MACC1: variants seen among roughly 807,000 people sequenced by gnomAD.
MACC1 encodes the protein MET transcriptional regulator MACC1.
Under a neutral mutation model 70.7 loss-of-function variants are expected in MACC1, and 79 were observed. The observed-to-expected ratio is 1.12, with a 90% CI of 0.93 to 1.35. MACC1 has a LOEUF of 1.35. Among genes scored for constraint, MACC1 ranks in the 40% most tolerant of loss-of-function variants. MACC1 has a pLI of 0.00. For synonymous variants in MACC1, 361 were observed against 347.2 expected (o/e 1.04, Z -0.44); for missense variants, 1,106 against 978.1 (o/e 1.13, Z -1.74).
chr7:20,152,602 T>C (rs769834815), intron 6 of MACC1, among the ~76,000 whole-genome samples: 4 of 152,184 alleles, frequency 2.6e-5, no homozygotes, highest in Non-Finnish European at 5.9e-5. Context: ...TGAACTATCA[T>C]AGAAAGACAC....
rs1341279458 is a variant in MACC1, at chr7:20,139,219, C to T, written c.*1727G>A. 2 of 152,174 alleles carry T rather than the reference C, an allele frequency of 1.3e-5. No individual in the cohort carries two copies. Among genetic ancestry groups the T allele is most frequent in the African/African-American group, 2.4e-5 (1 of 41,412 alleles). 9.4% of individuals were successfully genotyped at this position (152,174 alleles called of 1,614,324 possible). A position where few individuals can be genotyped will look rare whatever the true frequency, so the allele number is the denominator to read the frequency against. ...GCTTCTTCTTGCTCCATCCTCATCT[C>T]AACCTTGAATCTTTTATCCTTTCAC... On this transcript the variant is annotated 3_prime_UTR_variant, in exon 7 of 7. Transcript: ENST00000400331.
chr7:20,173,124 G>T (rs960819327), intron 1 of MACC1, among the ~76,000 whole-genome samples: 1 of 152,140 alleles, frequency 6.6e-6, no homozygotes, highest in African/African-American at 2.4e-5. Flanking sequence ...CCAAAAATCC[G>T]AGATGGATCC....
At chr7:20,193,782 CT>C (rs66625746) in intron 1 of MACC1, among the ~76,000 whole-genome samples, 261 of 142,408 alleles carry the variant, frequency 1.8e-3, no homozygotes, top group Non-Finnish European at 1.7e-3. Context: ...TCTATTCCTT[CT>C]TTTTTTTTTT....
At chr7:20,189,797 G>T (rs193120166) in intron 1 of MACC1, among the ~76,000 whole-genome samples, 1 of 149,840 alleles carries the variant, frequency 6.7e-6, no homozygotes, top group Non-Finnish European at 1.5e-5. Context: ...AGAAAAAAGA[G>T]AGAGAGAGAG....
chr7:20,145,378 A>G (rs1187572508), intron 6 of MACC1, among the ~76,000 whole-genome samples: 1 of 152,166 alleles, frequency 6.6e-6, no homozygotes, highest in Admixed American at 6.5e-5. Flanking sequence ...GAAATGGAAG[A>G]CACCAAACAA....
At chr7:20,142,916 G>C (rs573185875) in intron 6 of MACC1, among the ~76,000 whole-genome samples, 1 of 152,352 alleles carries the variant, frequency 6.6e-6, no homozygotes, top group South Asian at 2.1e-4. Flanking sequence ...AAGTCTGCTA[G>C]TGATTGAGTC....
chr7:20,213,116 C>T (rs1035903080), intron 1 of MACC1, among the ~76,000 whole-genome samples: 1 of 152,138 alleles, frequency 6.6e-6, no homozygotes. Context: ...CCACCCTTCC[C>T]TTTGGAAGCT....
intron 1 of MACC1, among the ~76,000 whole-genome samples, chr7:20,215,744 T>C (rs530437692): frequency 7.4e-4 from 112 of 152,282 alleles, no homozygotes; most frequent in African/African-American, 2.6e-3. Flanking sequence ...AGTTCAAAAT[T>C]AGTATAATTC....
intron 1 of MACC1, among the ~76,000 whole-genome samples, chr7:20,199,281 A>T (rs1465067127): frequency 6.6e-6 from 1 of 152,246 alleles, no homozygotes; most frequent in Non-Finnish European, 1.5e-5. Flanking sequence ...CTAAGGTAGA[A>T]ATGTGATCCA....
chr7:20,186,435 T>C (rs7799213), intron 1 of MACC1, among the ~76,000 whole-genome samples: 20,115 of 152,186 alleles, frequency 0.13, 1,451 homozygotes, highest in Non-Finnish European at 0.15. Flanking sequence ...GCTTTGTGAA[T>C]GTATGGCTTT....
rs1416401538 is a variant in MACC1, at chr7:20,158,263, A to C, written c.2098T>G (p.Leu700Val). 6.2e-7 allele frequency: 1 copy of C among 1,607,392 alleles called. No individual in the cohort carries two copies. The highest frequency in any genetic ancestry group is 1.7e-5 in the Admixed American group (1 of 58,466). Residue 700 changes from leucine (L) to valine (V), a missense_variant, in exon 5 of 7, where the codon TTA becomes GTA. By Grantham distance (32) the Leu-to-Val change is conservative. Coordinates refer to ENST00000400331, the MANE Select transcript of MACC1 (RefSeq NM_182762.4). ...CTCTCTGTGTGGCAATCTTCCTTTA[A>C]CTTCTTTATAACATAAGAAACTTTC... ...SEKVSYVIKK[L>V]KEDCHTERNT...
chr7:20,192,154 T>G (rs1782681673), intron 1 of MACC1, among the ~76,000 whole-genome samples: 1 of 152,218 alleles, frequency 6.6e-6, no homozygotes, highest in African/African-American at 2.4e-5. Flanking sequence ...ATATATTTTC[T>G]TATTTTCATG....
Position 20,158,650 on chromosome 7 carries a change from CAAGG to C in MACC1, c.1707_1710del (p.Phe569LeufsTer9). On this transcript the variant is annotated frameshift_variant, in exon 5 of 7. Coordinates refer to ENST00000400331, the MANE Select transcript of MACC1 (RefSeq NM_182762.4). LOFTEE classifies it high-confidence loss of function. ...GCTATTGTGTCCCCTTTGAAATATT[CAAGG>C]AAGTAATCAATCTTGCTTTGTCTTA... 6.2e-7 allele frequency: 1 copy of C among 1,614,016 alleles called. No homozygotes were observed. Among genetic ancestry groups the C allele is most frequent in the Non-Finnish European group, 8.5e-7 (1 of 1,179,960 alleles).
At chr7:20,178,522 G>C (rs1782448272) in intron 1 of MACC1, among the ~76,000 whole-genome samples, 1 of 152,150 alleles carries the variant, frequency 6.6e-6, no homozygotes, top group Non-Finnish European at 1.5e-5. Flanking sequence ...TTATCATTCT[G>C]TTAAATTTTA....
intron 6 of MACC1, among the ~76,000 whole-genome samples, chr7:20,145,133 A>G (rs146593682): frequency 2.8e-4 from 43 of 152,332 alleles, no homozygotes; most frequent in Middle Eastern, 3.4e-3. Context: ...AACAAAAGCT[A>G]TAAGTTTAGA....
intron 1 of MACC1, among the ~76,000 whole-genome samples, chr7:20,201,442 G>A (rs1045854413): frequency 6.6e-6 from 1 of 152,144 alleles, no homozygotes; most frequent in Non-Finnish European, 1.5e-5. Context: ...GTAAGGCTGA[G>A]GCATAGCAGT....
chr7:20,194,177 G>T (rs1005578774), intron 1 of MACC1, among the ~76,000 whole-genome samples: 1 of 152,098 alleles, frequency 6.6e-6, no homozygotes, highest in Non-Finnish European at 1.5e-5. Flanking sequence ...GAAAAGCAGA[G>T]AATTTGGGAA....
At position 20,158,719 on chromosome 7, in the gene MACC1, A is replaced by T; in HGVS notation, c.1642T>A (p.Leu548Met). The T allele has an allele frequency of 1.2e-6, 2 of 1,613,876 alleles. No homozygotes were observed. Among genetic ancestry groups the T allele is most frequent in the Non-Finnish European group, 1.7e-6 (2 of 1,179,986 alleles). Residue 548 changes from leucine to methionine, a missense_variant, in exon 5 of 7, where the codon TTG becomes ATG. Coordinates refer to ENST00000400331, the MANE Select transcript of MACC1 (RefSeq NM_182762.4). Reference sequence around the variant, plus strand: ...GTTACCCCATAGTTGCTAAAGTTCAATGTTTTATCTTGAAATGTAGGATAT... The same window carrying T: ...GTTACCCCATAGTTGCTAAAGTTCATTGTTTTATCTTGAAATGTAGGATAT... ...VKYPTFQDKT[L>M]NFSNYGVTLK... is the part of the protein sequence containing the mutation.
chr7:20,169,566 A>T (rs924299090), intron 2 of MACC1, among the ~76,000 whole-genome samples: 1 of 152,218 alleles, frequency 6.6e-6, no homozygotes, highest in South Asian at 2.1e-4. Flanking sequence ...ACTGCTTCCT[A>T]GAACACTTGA....
Sources: gnomAD v4.1 joint callset for allele counts (sites outside exome capture counted in the v4.1 genomes callset) on GRCh38, gnomAD v4.1.1 for gene constraint, MANE v1.5 for transcripts, NCBI Gene and HGNC (gene_info 2026-07-23, HGNC 2026-07-21) for gene names.